The following TARBP1 variants were observed in gnomAD, a reference collection of about 807,000 sequenced individuals.
The protein encoded by TARBP1 is tRNA guanosine 2 -O-methyltransferase TARBP1, also known as tRNA (guanosine(18)-2'-O)-methyltransferase TARBP1.
TARBP1 carries 144 observed loss-of-function variants against 178.6 expected under a neutral mutation model. The observed-to-expected ratio is 0.81, with a 90% CI of 0.70 to 0.93. The LOEUF is 0.93. Among genes scored for constraint, TARBP1 ranks in the 40% least tolerant of loss-of-function variants. The probability of loss-of-function intolerance (pLI) is 0.00; values close to 1 mark genes in which losing one functional copy is unlikely to be tolerated. For missense variants in TARBP1, 2,067 were observed against 2,011.7 expected (o/e 1.03, Z -0.53); for synonymous variants, 787 against 781.0 (o/e 1.01, Z -0.13).
chr1:234,473,319 C>T (rs938747293), intron 1 of TARBP1, among the ~76,000 whole-genome samples: 37 of 152,300 alleles, frequency 2.4e-4, no homozygotes, highest in African/African-American at 8.7e-4. Context: ...TGAGGCTAAA[C>T]CAAAGAGGAT....
rs1347840586 is a variant in TARBP1, at chr1:234,444,391, CAT to C, written c.2134+2410_2134+2411del. 2.6e-5 allele frequency among the ~76,000 whole-genome samples: 4 copies of C among 152,310 alleles called. No homozygotes were observed. In the East Asian group the frequency reaches 7.7e-4, roughly 29 times the overall value. On this transcript the variant is annotated intron_variant, in intron 12 of 29. Coordinates refer to ENST00000040877, the MANE Select transcript of TARBP1 (RefSeq NM_005646.4). ...CATTATACAGTTATTGCAGATTAAA[CAT>C]ATAATCATGGAAACATCATTTTAGA...
At chr1:234,437,040 T>G (rs575169038) in intron 13 of TARBP1, among the ~76,000 whole-genome samples, 8 of 152,294 alleles carry the variant, frequency 5.3e-5, no homozygotes, top group African/African-American at 1.9e-4. Flanking sequence ...TCCTTGGATG[T>G]AAATGGGGTG....
At chr1:234,421,412 G>A (rs944884241) in intron 20 of TARBP1, among the ~76,000 whole-genome samples, 1 of 152,070 alleles carries the variant, frequency 6.6e-6, no homozygotes, top group African/African-American at 2.4e-5. Flanking sequence ...ATTAGAAGAG[G>A]GCCAAAAAAC....
At chr1:234,432,797 C>T (rs529246434) in intron 14 of TARBP1, among the ~76,000 whole-genome samples, 3 of 152,260 alleles carry the variant, frequency 2.0e-5, no homozygotes, top group Admixed American at 1.3e-4. Flanking sequence ...AGGCATTAGA[C>T]AGTGGACAGC....
In TARBP1 at chr1:234,425,636, T is replaced by A. The variant is rs540297648; in HGVS notation, c.3444+37A>T. On this transcript the variant is annotated intron_variant, in intron 20 of 29. Transcript: ENST00000040877. ...AAGAGCAAATGTTGACCTCTGACTG[T>A]TAAAAACAAAGATAATTTAAAGTAA... The A allele has an allele frequency of 7.8e-5, 124 of 1,594,892 alleles. 2 individuals are homozygous for A. In the South Asian group the frequency reaches 1.3e-3, roughly 17 times the overall value.
chr1:234,404,116 C>T (rs1558153036), intron 24 of TARBP1, among the ~76,000 whole-genome samples: 1 of 152,148 alleles, frequency 6.6e-6, no homozygotes, highest in Non-Finnish European at 1.5e-5. Context: ...GAAATCAAAA[C>T]ACAGCTACCA....
At position 234,393,499 on chromosome 1, in the gene TARBP1, C is replaced by T; in HGVS notation, c.4436-13G>A. The T allele has an allele frequency of 6.3e-7, 1 of 1,576,456 alleles. No individual in the cohort carries two copies. Among genetic ancestry groups the T allele is most frequent in the Non-Finnish European group, 8.6e-7 (1 of 1,160,758 alleles). On this transcript the variant is annotated splice_polypyrimidine_tract_variant and intron_variant, in intron 27 of 29. Coordinates refer to ENST00000040877, the MANE Select transcript of TARBP1 (RefSeq NM_005646.4). ...GTCCTGCACAGTCCTGCACAGAACA[C>T]CTGGGATCATTAAGATTGTTCCCAG...
intron 10 of TARBP1, among the ~76,000 whole-genome samples, chr1:234,450,192 G>T (rs550503139): frequency 3.9e-5 from 6 of 151,970 alleles, no homozygotes; most frequent in Non-Finnish European, 8.8e-5. Context: ...CAACTTATTA[G>T]TTTCCTTAAA....
intron 29 of TARBP1, among the ~76,000 whole-genome samples, 194 bp downstream of exon 29, chr1:234,392,222 G>A (rs933909781): frequency 2.0e-5 from 3 of 152,182 alleles, no homozygotes; most frequent in Non-Finnish European, 4.4e-5. Flanking sequence ...TGTAATCCCA[G>A]CTACTTGGGA....
chr1:234,431,170 A>G (rs1664396528), intron 14 of TARBP1, among the ~76,000 whole-genome samples: 3 of 152,208 alleles, frequency 2.0e-5, no homozygotes, highest in Admixed American at 2.0e-4. Context: ...ATCAGAAAGG[A>G]AATTTCTACT....
At chr1:234,434,870 A>G (rs938966083) in intron 13 of TARBP1, among the ~76,000 whole-genome samples, 10 of 152,138 alleles carry the variant, frequency 6.6e-5, no homozygotes, top group African/African-American at 1.9e-4. Context: ...AGAAAGATGC[A>G]GGGGCTGGGG....
At chr1:234,429,007 G>T in intron 17 of TARBP1, 129 bp downstream of exon 17, 2 of 801,604 alleles carry the variant, frequency 2.5e-6, no homozygotes, top group Non-Finnish European at 3.7e-6. Context: ...ATTTAAGAAG[G>T]TTCAAAAATA....
At chr1:234,425,640 AAAC>A in intron 20 of TARBP1, 30 bp downstream of exon 20, 1 of 1,597,740 alleles carries the variant, frequency 6.3e-7, no homozygotes, top group Non-Finnish European at 8.5e-7. Context: ...TGACTGTTAA[AAAC>A]AAAGATAATT....
At chr1:234,403,763 A>C (rs1411910174) in intron 24 of TARBP1, among the ~76,000 whole-genome samples, 1 of 152,166 alleles carries the variant, frequency 6.6e-6, no homozygotes, top group Non-Finnish European at 1.5e-5. Context: ...GGCTCACTGC[A>C]ACCTCCACCT....
At chr1:234,441,735 C>T (rs1337507678) in intron 12 of TARBP1, among the ~76,000 whole-genome samples, 3 of 152,188 alleles carry the variant, frequency 2.0e-5, no homozygotes, top group Admixed American at 2.0e-4. Flanking sequence ...CTGCCCTAAG[C>T]AACCCCAATC....
At position 234,419,236 on chromosome 1, in the gene TARBP1, T is replaced by C. The variant is rs535533782; in HGVS notation, c.3556-1003A>G. Among the ~76,000 whole-genome samples, 39 of 152,280 alleles carry C rather than the reference T, an allele frequency of 2.6e-4. No homozygotes were observed. The South Asian group carries it at 7.5e-3, about 29-fold the overall frequency. On this transcript the variant is annotated intron_variant, in intron 21 of 29. Transcript: ENST00000040877. ...AAGTAATATGTATTATGTACGTCTTTATTTTAAAGAAGAAAAATCTATCTT... is the reference window on the plus strand; with the variant it reads ...AAGTAATATGTATTATGTACGTCTTCATTTTAAAGAAGAAAAATCTATCTT...
At chr1:234,462,935 C>T (rs1162673268) in intron 6 of TARBP1, among the ~76,000 whole-genome samples, 1 of 152,120 alleles carries the variant, frequency 6.6e-6, no homozygotes, top group Admixed American at 6.5e-5. Flanking sequence ...GCTCACTTTA[C>T]AAATCACAAA....
chr1:234,405,982 A>C lies in TARBP1; in HGVS notation c.3910T>G (p.Leu1304Val), dbSNP rs756472819. The C allele has an allele frequency of 1.5e-5, 24 of 1,614,090 alleles. No homozygotes were observed. Among genetic ancestry groups the C allele is most frequent in the African/African-American group, 2.7e-5 (2 of 74,924 alleles). Residue 1304 changes from leucine (L) to valine (V), a missense_variant, in exon 24 of 30, where the codon TTA becomes GTA. Physicochemically the swap from Leu to Val is conservative, Grantham distance 32 (BLOSUM62 1). Coordinates refer to ENST00000040877, the MANE Select transcript of TARBP1 (RefSeq NM_005646.4). Reference sequence around the variant, plus strand: ...AGGGCATCAAATTCTTCAACACTTAACACTTTACACACAGTCCAGAGTTTC... The same window carrying C: ...AGGGCATCAAATTCTTCAACACTTACCACTTTACACACAGTCCAGAGTTTC... Reference protein sequence around the residue: ...LKKLWTVCKVLSVEEFDALTP... With the variant: ...LKKLWTVCKVVSVEEFDALTP...
At chr1:234,401,296 A>C in intron 24 of TARBP1, 34 bp from the exon 25 acceptor site, 2 of 1,527,586 alleles carry the variant, frequency 1.3e-6, no homozygotes, top group Non-Finnish European at 1.8e-6. Context: ...AGCCACAGAC[A>C]AATGAAACAA....
Sources: gnomAD v4.1 joint callset for allele counts (sites outside exome capture counted in the v4.1 genomes callset) on GRCh38, gnomAD v4.1.1 for gene constraint, MANE v1.5 for transcripts, NCBI Gene and HGNC (gene_info 2026-07-23, HGNC 2026-07-21) for gene names.